Variants in MITD1 observed in about 807,000 individuals in gnomAD.
The protein encoded by MITD1 is microtubule interacting and trafficking domain containing 1, also known as MIT domain-containing protein 1.
Under a neutral mutation model 34.9 loss-of-function variants are expected in MITD1, and 24 were observed. The ratio of observed to expected loss-of-function variants is 0.69; its 90% CI spans 0.50 to 0.97. MITD1 has a LOEUF of 0.97. Ranked by LOEUF, MITD1 falls within the 50% of genes least tolerant of loss-of-function variation. MITD1 has a pLI of 0.00. For missense variants in MITD1, 266 were observed against 294.6 expected (o/e 0.90, Z 0.71); for synonymous variants, 102 against 101.4 (o/e 1.01, Z -0.04).
chr2:99,166,967 A>C (rs1365057148), downstream of MITD1, among the ~76,000 whole-genome samples: 1 of 149,752 alleles, frequency 6.7e-6, no homozygotes, highest in African/African-American at 2.4e-5. Context: ...TTACAGAAAA[A>C]TTTCTTTATG....
downstream of MITD1, among the ~76,000 whole-genome samples, chr2:99,168,498 C>T (rs1357950269): frequency 6.6e-6 from 1 of 152,178 alleles, no homozygotes; most frequent in African/African-American, 2.4e-5. Context: ...CCCTCTTCAG[C>T]CTGTCTCCAT....
chr2:99,165,493 C>T (rs982736639), downstream of MITD1, among the ~76,000 whole-genome samples: 4 of 152,108 alleles, frequency 2.6e-5, no homozygotes, highest in Non-Finnish European at 5.9e-5. Flanking sequence ...AGATGTCATA[C>T]AGGCAGTTGA....
At chr2:99,175,343 T>C (rs990756182) in intron 1 of MITD1, among the ~76,000 whole-genome samples, 1 of 152,262 alleles carries the variant, frequency 6.6e-6, no homozygotes, top group African/African-American at 2.4e-5. Flanking sequence ...AATCTTTCTC[T>C]GCCTTCTATG....
chr2:99,169,498 A>G (rs2093843361), intron 6 of MITD1, 28 bp from the exon 7 acceptor site: 1 of 1,595,634 alleles, frequency 6.3e-7, no homozygotes, highest in Admixed American at 1.7e-5. Flanking sequence ...GAGTATCATT[A>G]AAAATGATAC....
At chr2:99,173,797 G>T in intron 2 of MITD1, 118 bp downstream of exon 2, 1 of 693,258 alleles carries the variant, frequency 1.4e-6, no homozygotes, top group South Asian at 1.7e-5. Context: ...AATCCTGTAA[G>T]CTCCCAGGGA....
chr2:99,162,393 G>A (rs888284409), intron 7 of MITD1: 45 of 1,613,898 alleles, frequency 2.8e-5, no homozygotes, highest in Non-Finnish European at 3.8e-5. Context: ...CCAGCTGGAT[G>A]TGCAGGCTAC....
Position 99,162,863 on chromosome 2 carries a change from A to T in MITD1, c.*4-645T>A, listed in dbSNP as rs545941896. On this transcript the variant is annotated intron_variant, in intron 7 of 7. Transcript: ENST00000422537. ...TGGAAATTAAAGTATTCATAGACAT[A>T]AAGAATGGAAGAATTGAAATTTGTA... is the stretch of plus-strand genomic sequence containing the variant. 45 of 1,612,920 alleles carry T rather than the reference A, an allele frequency of 2.8e-5. No individual in the cohort carries two copies. In the Admixed American group the frequency reaches 6.8e-4, roughly 25 times the overall value.
At chr2:99,169,897 G>A (rs1374194005) in intron 5 of MITD1, among the ~76,000 whole-genome samples, 1 of 152,168 alleles carries the variant, frequency 6.6e-6, no homozygotes. Context: ...GTGTATTCAG[G>A]GAAACTGGTG....
rs1389939890 is a variant in MITD1, at chr2:99,176,516, A to G, written c.152-2500T>C. ...AATTTTTTGTATTTTTAGTAGAGAC[A>G]GGGTTTCGCCATGTTGGTCAGGCTG... On this transcript the variant is annotated intron_variant, in intron 1 of 6. Transcript: ENST00000289359. Among the ~76,000 whole-genome samples, 48 of 150,766 alleles carry G rather than the reference A, an allele frequency of 3.2e-4. 1 individual carries two copies. The highest frequency in any genetic ancestry group is 3.2e-3 in the Admixed American group (48 of 15,120).
chr2:99,171,063 T>C (rs2093854608), intron 4 of MITD1, among the ~76,000 whole-genome samples: 2 of 152,166 alleles, frequency 1.3e-5, no homozygotes, highest in African/African-American at 4.8e-5. Flanking sequence ...GAAACAAAAT[T>C]GTTCATAGTG....
Position 99,162,250 on chromosome 2 carries a change from G to A in MITD1, c.*4-32C>T, listed in dbSNP as rs374470630. 3.7e-5 allele frequency: 60 copies of A among 1,613,316 alleles called. No homozygotes were observed. Among genetic ancestry groups the A allele is most frequent in the Non-Finnish European group, 4.1e-5 (48 of 1,179,978 alleles). On this transcript the variant is annotated intron_variant, in intron 7 of 7. Transcript: ENST00000422537. Reference sequence around the variant, plus strand: ...AGAGAAGAAGGTATAAAACTGGCTCGGAGAAGAAGTGGAGGAGGAACAGTC... The same window carrying A: ...AGAGAAGAAGGTATAAAACTGGCTCAGAGAAGAAGTGGAGGAGGAACAGTC...
In MITD1 at chr2:99,171,443, G is replaced by C. The variant is rs200167610; in HGVS notation, c.391-14C>G. The C allele has an allele frequency of 2.5e-6, 4 of 1,603,194 alleles. No homozygotes were observed. Among genetic ancestry groups the C allele is most frequent in the African/African-American group, 2.7e-5 (2 of 74,700 alleles). The stretch of plus-strand genomic sequence containing the variant: ...AAAGTTATACAGCTAAAAGACATTA[G>C]AATGGATTATTACTAATTTAGTACA... On this transcript the variant is annotated splice_polypyrimidine_tract_variant and intron_variant, in intron 3 of 6. Transcript: ENST00000289359.
At chr2:99,179,501 T>A (rs569594178) in intron 1 of MITD1, among the ~76,000 whole-genome samples, 20 of 152,334 alleles carry the variant, frequency 1.3e-4, no homozygotes, top group African/African-American at 4.6e-4. Context: ...TATCTATGCT[T>A]ATTGCTGTTG....
downstream of MITD1, among the ~76,000 whole-genome samples, chr2:99,167,463 A>T (rs111946812): frequency 4.2e-4 from 64 of 152,356 alleles, no homozygotes; most frequent in African/African-American, 1.4e-3. Context: ...TAGAATGGAT[A>T]GCATGTCTGT....
In MITD1 at chr2:99,169,315, T is replaced by A; in HGVS notation, c.*60A>T. ...AAATTCATACATTATAAAAGTGATC[T>A]TTTAAAAAAAATCCAATATTCACTT... On this transcript the variant is annotated 3_prime_UTR_variant, in exon 7 of 7. Coordinates refer to ENST00000289359, the MANE Select transcript of MITD1 (RefSeq NM_138798.3). The A allele has an allele frequency of 1.2e-6, 1 of 832,552 alleles. No individual in the cohort carries two copies. The highest frequency in any genetic ancestry group is 1.9e-6 in the Non-Finnish European group (1 of 519,484). 51.6% of individuals were successfully genotyped at this position (832,552 alleles called of 1,614,324 possible).
In MITD1 at chr2:99,180,967, C is replaced by T. The variant is rs139388108; in HGVS notation, c.15G>A (p.Gly5=). MAKS[G]LRQDPQSTAA... ...CTGTGCTCTGCGGGTCCTGCCTCAG[C>T]CCGGACTTCGCCATAATTCTGGAAG... Residue 5 remains glycine, a synonymous_variant, in exon 1 of 7, where the codon GGG becomes GGA. Coordinates refer to ENST00000289359, the MANE Select transcript of MITD1 (RefSeq NM_138798.3). 1.1e-5 allele frequency: 18 copies of T among 1,613,516 alleles called. No individual in the cohort carries two copies. Among genetic ancestry groups the T allele is most frequent in the African/African-American group, 5.3e-5 (4 of 74,936 alleles).
At chr2:99,176,487 G>A (rs1358666646) in intron 1 of MITD1, among the ~76,000 whole-genome samples, 1 of 151,902 alleles carries the variant, frequency 6.6e-6, no homozygotes, top group Non-Finnish European at 1.5e-5. Context: ...CACCACACCC[G>A]GCTAATTTTT....
At chr2:99,168,946 ATTTTTTTTTTTTTTT>A (rs1175310553), downstream of MITD1, among the ~76,000 whole-genome samples, 13 of 49,310 alleles carry the variant, frequency 2.6e-4, no homozygotes, top group Middle Eastern at 0.019. Context: ...TGCCCGGCTA[ATTTTTTTTTTTTTTT>A]TTTTTTTTTT....
At position 99,173,841 on chromosome 2, in the gene MITD1, C is replaced by T. The variant is rs1574830753; in HGVS notation, c.253+74G>A. On this transcript the variant is annotated intron_variant, in intron 2 of 6. Coordinates refer to ENST00000289359, the MANE Select transcript of MITD1 (RefSeq NM_138798.3). ...CCAGACCACACAGAGCTCCAAAGGGCAGGAGCCAGAAACATTGGGTGAATG... is the reference window on the plus strand; with the variant it reads ...CCAGACCACACAGAGCTCCAAAGGGTAGGAGCCAGAAACATTGGGTGAATG... The T allele has an allele frequency of 5.4e-6, 5 of 931,880 alleles. No homozygotes were observed. The East Asian group carries it at 7.4e-5, about 14-fold the overall frequency. The allele number at this position is 931,880 out of a possible 1,614,324, so 57.7% of individuals were successfully genotyped here. A position where few individuals can be genotyped will look rare whatever the true frequency, so the allele number is the denominator to read the frequency against.
Sources: allele counts gnomAD v4.1 joint callset (sites outside exome capture counted in the v4.1 genomes callset), GRCh38; gene constraint gnomAD v4.1.1; transcripts MANE v1.5; gene names NCBI Gene and HGNC (gene_info 2026-07-23, HGNC 2026-07-21).